OR14A2: variants seen among roughly 807,000 people sequenced by gnomAD.
OR14A2 encodes olfactory receptor family 14 subfamily A member 2.
For missense variants in OR14A2, 237 were observed against 152.9 expected (o/e 1.55, Z -2.90); for synonymous variants, 114 against 58.6 (o/e 1.95, Z -4.32).
upstream of OR14A2, among the ~76,000 whole-genome samples, chr1:247,728,957 C>G (rs145894753): frequency 1.3e-4 from 20 of 152,214 alleles, no homozygotes; most frequent in African/African-American, 4.8e-4. Context: ...GGTTCCATCT[C>G]TAGACTTTTG....
the OR14A2 span, among the ~76,000 whole-genome samples, chr1:247,742,275 CA>C: frequency 6.6e-6 from 1 of 151,544 alleles, no homozygotes; most frequent in African/African-American, 2.4e-5. Context: ...AATACACACA[CA>C]CACGCACACA....
the OR14A2 span, among the ~76,000 whole-genome samples, chr1:247,729,335 A>G: frequency 6.6e-6 from 1 of 152,216 alleles, no homozygotes; most frequent in East Asian, 1.9e-4. Flanking sequence ...GAAAAATAAT[A>G]AAGTACTCAA....
the OR14A2 span, among the ~76,000 whole-genome samples, chr1:247,744,078 T>G: frequency 2.3e-4 from 35 of 152,194 alleles, no homozygotes; most frequent in Non-Finnish European, 4.9e-4. This position sits in a 1 kb window ranked among gnomAD's most constrained non-coding sequence, Gnocchi z 4.3. Flanking sequence ...CCTTGGCCAC[T>G]GCTCATGTCA....
chr1:247,746,419 C>G, the OR14A2 span: 1 of 152,106 alleles, frequency 6.6e-6, no homozygotes, highest in African/African-American at 2.4e-5. Context: ...GGTGTGAAAT[C>G]GGTTTTTATA....
the OR14A2 span, among the ~76,000 whole-genome samples, chr1:247,744,584 C>T: frequency 3.3e-5 from 5 of 152,154 alleles, no homozygotes; most frequent in African/African-American, 1.2e-4. This position sits in a 1 kb window ranked among gnomAD's most constrained non-coding sequence, Gnocchi z 4.3. Context: ...AAAGCAGATG[C>T]CGAATCAAAA....
chr1:247,740,686 T>C, the OR14A2 span, among the ~76,000 whole-genome samples: 1 of 152,218 alleles, frequency 6.6e-6, no homozygotes, highest in Non-Finnish European at 1.5e-5. Context: ...GTACCCTAAA[T>C]GTGTAGAATT....
the OR14A2 span, among the ~76,000 whole-genome samples, chr1:247,732,556 C>T: frequency 6.6e-6 from 1 of 152,162 alleles, no homozygotes; most frequent in African/African-American, 2.4e-5. Flanking sequence ...TTTAGCAAAA[C>T]CGAGCATGGC....
chr1:247,725,445 G>T (rs1660316579), upstream of OR14A2, among the ~76,000 whole-genome samples: 1 of 150,938 alleles, frequency 6.6e-6, no homozygotes, highest in African/African-American at 2.4e-5. Context: ...ATAATTAATT[G>T]TTTTTTTGTC....
At chr1:247,741,127 T>C in the OR14A2 span, among the ~76,000 whole-genome samples, 7 of 152,196 alleles carry the variant, frequency 4.6e-5, no homozygotes, top group Non-Finnish European at 1.0e-4. Context: ...TAATTACATA[T>C]TTCTCTGTCT....
At chr1:247,736,164 C>T in the OR14A2 span, among the ~76,000 whole-genome samples, 1 of 147,700 alleles carries the variant, frequency 6.8e-6, no homozygotes, top group Non-Finnish European at 1.5e-5. Flanking sequence ...CCCTCCCCTC[C>T]CCTCCCCTCT....
At chr1:247,723,527 G>T in exon 1 of OR14A2, 1 of 717,954 alleles carries the variant, frequency 1.4e-6, no homozygotes, top group Non-Finnish European at 2.6e-6. Context: ...AAAAACTGTG[G>T]AATCACACTG....
At chr1:247,724,974 AT>A (rs1572470675), upstream of OR14A2, among the ~76,000 whole-genome samples, 1 of 151,984 alleles carries the variant, frequency 6.6e-6, no homozygotes, top group Non-Finnish European at 1.5e-5. Context: ...GATCAAAAAA[AT>A]GTTCCATATA....
At chr1:247,724,381 A>G (rs1660284431), upstream of OR14A2, among the ~76,000 whole-genome samples, 1 of 152,166 alleles carries the variant, frequency 6.6e-6, no homozygotes, top group Admixed American at 6.6e-5. Context: ...TTTGCATCAA[A>G]TTATTATTAT....
At chr1:247,729,656 GT>G in the OR14A2 span, among the ~76,000 whole-genome samples, 1 of 152,096 alleles carries the variant, frequency 6.6e-6, no homozygotes, top group South Asian at 2.1e-4. Context: ...TAATTTTAAA[GT>G]TTTTTGTCCT....
the OR14A2 span, among the ~76,000 whole-genome samples, chr1:247,739,912 T>C: frequency 2.6e-5 from 4 of 152,070 alleles, no homozygotes; most frequent in African/African-American, 9.7e-5. Context: ...AGTTCCACCA[T>C]GTTGGCCAGG....
chr1:247,732,247 A>G, the OR14A2 span, among the ~76,000 whole-genome samples: 1 of 152,086 alleles, frequency 6.6e-6, no homozygotes, highest in Non-Finnish European at 1.5e-5. Flanking sequence ...GCCCCAGTCC[A>G]GAAAAAAATA....
chr1:247,738,508 A>G, the OR14A2 span: 1 of 633,184 alleles, frequency 1.6e-6, no homozygotes, highest in Non-Finnish European at 2.8e-6. Flanking sequence ...CTAGGCCTTG[A>G]TGCTACACAT....
chr1:247,744,548 G>A, the OR14A2 span, among the ~76,000 whole-genome samples: 2 of 152,138 alleles, frequency 1.3e-5, no homozygotes, highest in East Asian at 3.9e-4. The surrounding 1 kb of genome is among the most constrained non-coding windows in gnomAD (Gnocchi z 4.3). Context: ...TGGGGGTTAA[G>A]AGTTTTGGAT....
At chr1:247,739,875 ATTTG>A in the OR14A2 span, among the ~76,000 whole-genome samples, 1 of 151,768 alleles carries the variant, frequency 6.6e-6, no homozygotes, top group South Asian at 2.1e-4. Flanking sequence ...ACGCCCAGCT[ATTTG>A]TTTGTGTTTT....
Sources: gnomAD v4.1 joint callset for allele counts (sites outside exome capture counted in the v4.1 genomes callset) on GRCh38, gnomAD v4.1.1 for gene constraint, Gnocchi (gnomAD v3.1) non-coding constraint, MANE v1.5 for transcripts, NCBI Gene and HGNC (gene_info 2026-07-23, HGNC 2026-07-21) for gene names.